Variants in MANBA observed in about 807,000 individuals in gnomAD.
MANBA encodes mannosidase beta.
In MANBA, 83 loss-of-function variants were observed where a neutral mutation model predicts 111.1. The observed-to-expected ratio is 0.75, with a 90% CI of 0.63 to 0.90. The LOEUF (loss-of-function observed/expected upper bound fraction) is 0.90, where lower values mean the gene tolerates loss of function less well. Ranked by LOEUF, MANBA falls within the 40% of genes least tolerant of loss-of-function variation. The pLI, the probability that MANBA is intolerant of heterozygous loss-of-function variation, is 0.00. For synonymous variants in MANBA, 370 were observed against 378.7 expected (o/e 0.98, Z 0.27); for missense variants, 1,036 against 1,069.0 (o/e 0.97, Z 0.43).
chr4:102,720,828 G>A (rs1722536373), intron 4 of MANBA, among the ~76,000 whole-genome samples: 1 of 152,176 alleles, frequency 6.6e-6, no homozygotes, highest in Non-Finnish European at 1.5e-5. Flanking sequence ...ATTGACACAA[G>A]TTTAGGTAGG....
chr4:102,720,292 G>A lies in MANBA; in HGVS notation c.549+2579C>T, dbSNP rs140739898. The stretch of plus-strand genomic sequence containing the variant: ...TCTACTAAAACTACAAAAATTAGCC[G>A]GGCATGGTGGCAGGCGCCTGTAGTC... On this transcript the variant is annotated intron_variant, in intron 4 of 16. Transcript: ENST00000647097. Among the ~76,000 whole-genome samples, 989 of 152,186 alleles carry A rather than the reference G, an allele frequency of 6.5e-3. 12 individuals carry two copies. Among genetic ancestry groups the A allele is most frequent in the African/African-American group, 0.022 (927 of 41,530 alleles).
intron 1 of MANBA, chr4:102,729,115 C>A: frequency 1.4e-6 from 1 of 737,310 alleles, no homozygotes; most frequent in Non-Finnish European, 2.5e-6. Flanking sequence ...CCAGCTTGGA[C>A]AGCTTGGCGT....
At chr4:102,677,218 A>G (rs897519723) in intron 7 of MANBA, among the ~76,000 whole-genome samples, 1 of 152,212 alleles carries the variant, frequency 6.6e-6, no homozygotes, top group African/African-American at 2.4e-5. Context: ...TTCTCTAGAA[A>G]ATGAATGGAG....
intron 12 of MANBA, among the ~76,000 whole-genome samples, chr4:102,654,323 T>C (rs564625583): frequency 6.6e-6 from 1 of 152,106 alleles, no homozygotes; most frequent in Admixed American, 6.6e-5. Context: ...AAACGGGGTA[T>C]GGAATTTCAC....
rs1290807087 is a variant in MANBA at position 102,639,832 on chromosome 4, G to C, written c.1895C>G (p.Thr632Arg). ...ACTACGGCGGTAGAATTCAGTTTCT[G>C]TTTTGACACACTGGGCCTGCATCAC... ...TQVMQAQCVKTETEFYRRSRS... is the reference protein window; with the variant it reads ...TQVMQAQCVKRETEFYRRSRS... Residue 632 changes from threonine to arginine, a missense_variant, in exon 14 of 17, where the codon ACA (threonine) becomes AGA (arginine). Coordinates refer to ENST00000647097, the MANE Select transcript of MANBA (RefSeq NM_005908.4). 6.2e-7 allele frequency: 1 copy of C among 1,613,916 alleles called. No individual in the cohort carries two copies. Among genetic ancestry groups the C allele is most frequent in the Non-Finnish European group, 8.5e-7 (1 of 1,179,986 alleles).
At chr4:102,686,855 A>T (rs1732240351) in intron 7 of MANBA, among the ~76,000 whole-genome samples, 1 of 152,092 alleles carries the variant, frequency 6.6e-6, no homozygotes, top group Admixed American at 6.6e-5. Context: ...GAGGTATTTC[A>T]TCCGCTACCA....
intron 1 of MANBA, chr4:102,728,674 G>C (rs373084588): frequency 1.2e-5 from 7 of 575,506 alleles, no homozygotes; most frequent in Non-Finnish European, 2.2e-5. Flanking sequence ...TGGGTCTCAC[G>C]TTCCCTGTGC....
At chr4:102,647,987 A>G (rs937518748) in intron 13 of MANBA, among the ~76,000 whole-genome samples, 3 of 152,114 alleles carry the variant, frequency 2.0e-5, no homozygotes, top group African/African-American at 7.2e-5. Context: ...TGTCTACTTC[A>G]GATCAACTTT....
chr4:102,649,498 A>G (rs1345013099), intron 13 of MANBA, among the ~76,000 whole-genome samples: 2 of 152,124 alleles, frequency 1.3e-5, no homozygotes, highest in African/African-American at 4.8e-5. Context: ...CATGTTCTTG[A>G]TTTACAACAA....
At chr4:102,733,445 C>T (rs1024486390) in intron 1 of MANBA, among the ~76,000 whole-genome samples, 1 of 152,010 alleles carries the variant, frequency 6.6e-6, no homozygotes. Context: ...CCTCAACCTC[C>T]GGGGCTCAAG....
chr4:102,729,101 G>A, intron 1 of MANBA: 1 of 745,732 alleles, frequency 1.3e-6, no homozygotes, highest in Non-Finnish European at 2.5e-6. Context: ...CTGCAGGGCG[G>A]CCTCCAGCTT....
At position 102,658,313 on chromosome 4, in the gene MANBA, TC is replaced by T. The variant is rs146548948; in HGVS notation, c.1486-414del. On this transcript the variant is annotated intron_variant, in intron 11 of 16. Coordinates refer to ENST00000647097, the MANE Select transcript of MANBA (RefSeq NM_005908.4). ...AGGATATTTAGTAGCATCCCTGGCC[TC>T]TACCAAACAGATGTCAGTACCCCTC... Among the ~76,000 whole-genome samples, 367 of 152,280 alleles carry T rather than the reference TC, an allele frequency of 2.4e-3. 15 individuals carry two copies. In the East Asian group the frequency reaches 0.042, roughly 17 times the overall value.
chr4:102,689,486 C>T (rs1033183078), intron 7 of MANBA, 88 bp downstream of exon 7: 49 of 833,578 alleles, frequency 5.9e-5, no homozygotes, highest in Middle Eastern at 3.6e-4. Flanking sequence ...AGAGTTTTGA[C>T]GGTTTCTTCT....
chr4:102,755,881 C>A (rs1468673001), intron 1 of MANBA, among the ~76,000 whole-genome samples: 3 of 152,314 alleles, frequency 2.0e-5, no homozygotes, highest in Admixed American at 6.5e-5. Flanking sequence ...AAATGCTCAT[C>A]ATCACTGGCC....
intron 5 of MANBA, among the ~76,000 whole-genome samples, chr4:102,704,984 G>A (rs573819950): frequency 6.6e-6 from 1 of 152,348 alleles, no homozygotes; most frequent in South Asian, 2.1e-4. Flanking sequence ...CAAGATGGCT[G>A]ACTAGCGGCA....
chr4:102,740,505 AG>A (rs1723362938), intron 1 of MANBA, among the ~76,000 whole-genome samples: 1 of 152,248 alleles, frequency 6.6e-6, no homozygotes, highest in Non-Finnish European at 1.5e-5. Context: ...CTATGCAAAA[AG>A]AACAAATCCT....
intron 5 of MANBA, among the ~76,000 whole-genome samples, chr4:102,709,463 C>A (rs1412994263): frequency 2.7e-5 from 4 of 150,744 alleles, no homozygotes; most frequent in African/African-American, 4.9e-5. Context: ...AAATAGTGAA[C>A]CTGAACGACT....
chr4:102,636,791 C>T (rs1233179433), intron 14 of MANBA, among the ~76,000 whole-genome samples: 1 of 152,174 alleles, frequency 6.6e-6, no homozygotes, highest in African/African-American at 2.4e-5. Context: ...AGCTCTGGTA[C>T]TTGGGTTTTC....
At chr4:102,657,227 G>GGC (rs201831240) in intron 12 of MANBA, among the ~76,000 whole-genome samples, 28 of 123,464 alleles carry the variant, frequency 2.3e-4, no homozygotes, top group Admixed American at 5.1e-4. Context: ...TGGGGTGGGG[G>GGC]GGGGGTGGGC....
Sources: allele counts gnomAD v4.1 joint callset (sites outside exome capture counted in the v4.1 genomes callset), GRCh38; gene constraint gnomAD v4.1.1; transcripts MANE v1.5; gene names NCBI Gene and HGNC (gene_info 2026-07-23, HGNC 2026-07-21).